Variants in GMDS observed in about 807,000 individuals in gnomAD.
The protein encoded by GMDS is GDP-mannose 4,6 dehydratase.
Under a neutral mutation model 49.9 loss-of-function variants are expected in GMDS, and 20 were observed. That is an observed-to-expected ratio of 0.40 (90% CI 0.28 to 0.58). The LOEUF (loss-of-function observed/expected upper bound fraction) is 0.58. GMDS is among the 20% of genes least tolerant of loss of function. The pLI, the probability that GMDS is intolerant of heterozygous loss-of-function variation, is 0.42. For missense variants in GMDS, 362 were observed against 481.4 expected (o/e 0.75, Z 2.32); for synonymous variants, 177 against 178.6 (o/e 0.99, Z 0.07).
intron 9 of GMDS, among the ~76,000 whole-genome samples, chr6:1,725,485 G>A (rs1489369985): frequency 6.6e-6 from 1 of 151,920 alleles, no homozygotes; most frequent in Non-Finnish European, 1.5e-5. Context: ...AGGCTGGAGT[G>A]CAATGGCGCG....
chr6:1,818,846 A>G (rs531203589), intron 7 of GMDS, among the ~76,000 whole-genome samples: 2 of 152,240 alleles, frequency 1.3e-5, no homozygotes, highest in South Asian at 4.1e-4. Context: ...TCCACTATTT[A>G]TCACTTATGT....
chr6:1,772,649 G>A (rs773272733), intron 7 of GMDS, among the ~76,000 whole-genome samples: 11 of 152,166 alleles, frequency 7.2e-5, no homozygotes, highest in East Asian at 3.8e-4. Context: ...GTATACGTTC[G>A]TGGGGACTGG....
At chr6:2,209,051 C>T (rs1162615653) in intron 1 of GMDS, among the ~76,000 whole-genome samples, 1 of 152,086 alleles carries the variant, frequency 6.6e-6, no homozygotes, top group Admixed American at 6.5e-5. Context: ...TTCATGTTAA[C>T]AGCACATGGT....
At chr6:2,156,492 G>T (rs776727601) in intron 1 of GMDS, among the ~76,000 whole-genome samples, 2 of 152,008 alleles carry the variant, frequency 1.3e-5, no homozygotes, top group Non-Finnish European at 1.5e-5. Context: ...AGGCAAACAA[G>T]CAAATAATGA....
At chr6:1,972,262 G>GTTTTTTTTTTTTTTTTTTT (rs5873825) in intron 4 of GMDS, among the ~76,000 whole-genome samples, 1 of 133,664 alleles carries the variant, frequency 7.5e-6, no homozygotes, top group Non-Finnish European at 1.6e-5. Context: ...CTGGGTTTTT[G>GTTTTTTTTTTTTTTTTTTT]TTTTTTTTTT....
intron 1 of GMDS, among the ~76,000 whole-genome samples, chr6:2,233,061 T>C (rs79060517): frequency 0.017 from 2,600 of 152,312 alleles, 83 homozygotes; most frequent in African/African-American, 0.059. Context: ...AAAAGTGTTC[T>C]GGAACTAGAG....
chr6:1,960,463 G>C (rs541430640), intron 5 of GMDS, among the ~76,000 whole-genome samples: 105 of 152,068 alleles, frequency 6.9e-4, no homozygotes, highest in Admixed American at 9.8e-4. Context: ...TCTCATAACA[G>C]TTTAGAAAAA....
chr6:2,168,688 C>T (rs1426630750), intron 1 of GMDS, among the ~76,000 whole-genome samples: 1 of 152,184 alleles, frequency 6.6e-6, no homozygotes, highest in African/African-American at 2.4e-5. Context: ...AGTCAGAACA[C>T]ATCAACTGCT....
At chr6:1,732,704 C>T (rs1344542202) in intron 8 of GMDS, among the ~76,000 whole-genome samples, 2 of 152,116 alleles carry the variant, frequency 1.3e-5, no homozygotes, top group African/African-American at 4.8e-5. Context: ...TCGGAAAGGG[C>T]CCACAGAGCA....
intron 7 of GMDS, among the ~76,000 whole-genome samples, chr6:1,800,496 G>C (rs1769906102): frequency 6.6e-6 from 1 of 152,140 alleles, no homozygotes; most frequent in Non-Finnish European, 1.5e-5. Flanking sequence ...GAGGGCAGTG[G>C]TGTGATCTCA....
chr6:1,891,704 T>A (rs1759879044), intron 7 of GMDS, among the ~76,000 whole-genome samples: 2 of 152,160 alleles, frequency 1.3e-5, no homozygotes. Flanking sequence ...GGGAACTTGT[T>A]AAAAATGCAC....
intron 7 of GMDS, among the ~76,000 whole-genome samples, chr6:1,765,426 C>T (rs751330943): frequency 2.0e-5 from 3 of 152,118 alleles, no homozygotes; most frequent in Admixed American, 6.5e-5. Context: ...AAAAACCCCT[C>T]GAGCAGATAA....
chr6:2,176,801 T>C (rs1036634423), intron 1 of GMDS, among the ~76,000 whole-genome samples: 2 of 152,092 alleles, frequency 1.3e-5, no homozygotes, highest in Non-Finnish European at 2.9e-5. Context: ...CTTTCAGTGC[T>C]AGGGCAGTCC....
At chr6:2,091,432 A>T (rs531675707) in intron 4 of GMDS, among the ~76,000 whole-genome samples, 2 of 152,336 alleles carry the variant, frequency 1.3e-5, no homozygotes, top group South Asian at 4.1e-4. Context: ...ATGTGACTGG[A>T]CAATGGAACA....
chr6:1,819,772 A>ATAT (rs1554123167), intron 7 of GMDS, among the ~76,000 whole-genome samples: 1 of 128,448 alleles, frequency 7.8e-6, no homozygotes, highest in South Asian at 3.2e-4. Flanking sequence ...AAAAAAAAAA[A>ATAT]AAAAATATAT....
intron 9 of GMDS, among the ~76,000 whole-genome samples, chr6:1,697,572 C>A (rs1488027184): frequency 6.6e-6 from 1 of 152,212 alleles, no homozygotes; most frequent in Non-Finnish European, 1.5e-5. Flanking sequence ...ACCAATGGTT[C>A]TCAAAGTATG....
intron 7 of GMDS, among the ~76,000 whole-genome samples, chr6:1,921,864 G>A (rs558157687): frequency 6.6e-6 from 1 of 152,234 alleles, no homozygotes; most frequent in African/African-American, 2.4e-5. Context: ...ATATTAAATA[G>A]CTCCACAGAA....
intron 1 of GMDS, among the ~76,000 whole-genome samples, chr6:2,216,929 G>T (rs774626488): frequency 6.6e-6 from 1 of 152,078 alleles, no homozygotes; most frequent in African/African-American, 2.4e-5. Flanking sequence ...CACGGAAAGG[G>T]AGCTCAGTGG....
At chr6:2,011,168 C>A (rs541948000) in intron 4 of GMDS, among the ~76,000 whole-genome samples, 1 of 152,174 alleles carries the variant, frequency 6.6e-6, no homozygotes, top group Non-Finnish European at 1.5e-5. Flanking sequence ...CAAAAGAAGA[C>A]ATACAAATGG....
Sources: allele counts gnomAD v4.1 joint callset (sites outside exome capture counted in the v4.1 genomes callset), GRCh38; gene constraint gnomAD v4.1.1; transcripts MANE v1.5; gene names NCBI Gene and HGNC (gene_info 2026-07-23, HGNC 2026-07-21).